CREB1: variants seen among roughly 807,000 people sequenced by gnomAD.
CREB1 encodes the protein cAMP responsive element binding protein 1, also known as cyclic AMP-responsive element-binding protein 1.
In CREB1, 2 loss-of-function variants were observed where a neutral mutation model predicts 42.0. The ratio of observed to expected loss-of-function variants is 0.05; its 90% confidence interval spans 0.02 to 0.15. The LOEUF (loss-of-function observed/expected upper bound fraction) is 0.15, where lower values mean the gene tolerates loss of function less well. CREB1 is among the 10% of genes least tolerant of loss of function. The probability of loss-of-function intolerance (pLI) is 1.00; values close to 1 mark genes in which losing one functional copy is unlikely to be tolerated. For missense variants in CREB1, 199 were observed against 388.9 expected, an observed-to-expected ratio of 0.51 and a Z score of 4.11; for synonymous variants, 123 against 139.9, an observed-to-expected ratio of 0.88 and a Z score of 0.85.
intron 1 of CREB1, among the ~76,000 whole-genome samples, chr2:207,536,479 T>C (rs1216866343): frequency 1.3e-5 from 2 of 151,946 alleles, no homozygotes; most frequent in African/African-American, 2.4e-5. Context: ...CACTTGGACC[T>C]GGAAGGCAGA....
At position 207,603,068 on chromosome 2, in the gene CREB1, A is replaced by G. The variant is rs1235679100; in HGVS notation, c.*6010A>G. 4.7e-6 allele frequency: 1 copy of G among 211,852 alleles called. No individual in the cohort carries two copies. 13.1% of individuals were successfully genotyped at this position (211,852 alleles called of 1,614,324 possible). A position where few individuals can be genotyped will look rare whatever the true frequency, so the allele number is the denominator to read the frequency against. ...AACAGGGTATTGATTTTTAACTCTG[A>G]TGTTTCTATTGGAGTTGAATACTAA... On this transcript the variant is annotated 3_prime_UTR_variant, in exon 8 of 8. Transcript: ENST00000353267.
intron 5 of CREB1, chr2:207,571,634 TGTGTATTATCA>T (rs2082368430): frequency 1.1e-5 from 4 of 380,740 alleles, no homozygotes; most frequent in African/African-American, 8.4e-5. Context: ...TGTACGTGTA[TGTGTATTATCA>T]GTTGAAGCCT....
intron 5 of CREB1, chr2:207,571,691 T>C (rs1460259137): frequency 2.2e-6 from 1 of 453,340 alleles, no homozygotes; most frequent in Admixed American, 2.4e-5. Context: ...AGATATGTGT[T>C]CGAAGACATT....
At chr2:207,572,964 A>G (rs9288383) in intron 5 of CREB1, among the ~76,000 whole-genome samples, 1,869 of 152,300 alleles carry the variant, frequency 0.012, 22 homozygotes, top group African/African-American at 0.029. Context: ...TTATTAGTTC[A>G]GTGTCCCAGA....
At chr2:207,550,860 C>G (rs1240474290) in intron 1 of CREB1, among the ~76,000 whole-genome samples, 1 of 152,174 alleles carries the variant, frequency 6.6e-6, no homozygotes, top group African/African-American at 2.4e-5. Context: ...TTCTTCCCAG[C>G]TTTATTTTTC....
chr2:207,544,395 A>G (rs1190043153), intron 1 of CREB1, among the ~76,000 whole-genome samples: 1 of 152,158 alleles, frequency 6.6e-6, no homozygotes, highest in East Asian at 1.9e-4. Flanking sequence ...CCATTTCCAA[A>G]TAGAAGTTTA....
chr2:207,581,836 C>T (rs1041886087), intron 7 of CREB1: 1 of 702,736 alleles, frequency 1.4e-6, no homozygotes, highest in Non-Finnish European at 2.6e-6. Context: ...TTATAGTCTC[C>T]TTCAGTCTGT....
rs111513146 is a variant in CREB1 at position 207,584,265 on chromosome 2, A to G, written c.839+6610A>G. On this transcript the variant is annotated intron_variant, in intron 7 of 7. Coordinates refer to ENST00000353267, the MANE Select transcript of CREB1 (RefSeq NM_004379.5). ...TTCCAAAATGGCTGTACCATTTTAT[A>G]TTCCCACCAGGAATGTATGAGAGTT... Among the ~76,000 whole-genome samples the G allele has an allele frequency of 2.0e-5, 3 of 152,232 alleles. No homozygotes were observed. In the South Asian group the frequency reaches 6.2e-4, roughly 31 times the overall value.
chr2:207,577,828 A>T, intron 7 of CREB1, 173 bp downstream of exon 7: 1 of 703,790 alleles, frequency 1.4e-6, no homozygotes, highest in South Asian at 1.7e-5. Context: ...CACTTATAAG[A>T]TAGCTGTATG....
intron 1 of CREB1, among the ~76,000 whole-genome samples, chr2:207,530,778 CCTACTCTT>C (rs1384763195): frequency 6.6e-6 from 1 of 151,850 alleles, no homozygotes; most frequent in Non-Finnish European, 1.5e-5. Flanking sequence ...CAACGTCTGA[CCTACTCTT>C]CTCTCCACTC....
At chr2:207,588,355 G>T (rs1035141494) in intron 7 of CREB1, among the ~76,000 whole-genome samples, 1 of 151,904 alleles carries the variant, frequency 6.6e-6, no homozygotes, top group Non-Finnish European at 1.5e-5. Flanking sequence ...GACCATATTT[G>T]TGTGAGTCTG....
In CREB1 at chr2:207,604,103, G is replaced by A. The variant is rs1360389204; in HGVS notation, c.*7045G>A. 2.6e-5 allele frequency among the ~76,000 whole-genome samples: 4 copies of A among 152,168 alleles called. No homozygotes were observed. Among genetic ancestry groups the A allele is most frequent in the African/African-American group, 7.2e-5 (3 of 41,432 alleles). On this transcript the variant is annotated 3_prime_UTR_variant, in exon 8 of 8. Coordinates refer to ENST00000353267, the MANE Select transcript of CREB1 (RefSeq NM_004379.5). ...CATGAGGGACAATAGGCATGAACTA[G>A]GATTGTTCTAAGCAAATCGGAATCG...
In CREB1 at chr2:207,575,948, CA is replaced by C. The variant is rs1553503310; in HGVS notation, c.688+498del. On this transcript the variant is annotated intron_variant, in intron 6 of 7. Transcript: ENST00000353267. ...GTTTCTCTGCTTCCCCCCCCCCCCC[CA>C]AAAGAAATTTAAATCTTCTGAGATC... Among the ~76,000 whole-genome samples the C allele has an allele frequency of 1.7e-3, 80 of 45,786 alleles. 2 individuals carry two copies. The highest frequency in any genetic ancestry group is 2.2e-3 in the African/African-American group (42 of 19,116). 30.0% of individuals were successfully genotyped at this position (45,786 alleles called of 152,430 possible).
chr2:207,539,251 A>C (rs2080999032), intron 1 of CREB1, among the ~76,000 whole-genome samples: 1 of 143,308 alleles, frequency 7.0e-6, no homozygotes. Context: ...ACAGGATTTC[A>C]CCATGTTGGC....
At chr2:207,560,203 C>A in intron 2 of CREB1, 23 bp from the exon 3 acceptor site, 8 of 1,537,348 alleles carry the variant, frequency 5.2e-6, no homozygotes, top group African/African-American at 1.4e-5. Flanking sequence ...GATGATAATT[C>A]TTTTCTGTGT....
intron 7 of CREB1, among the ~76,000 whole-genome samples, chr2:207,592,702 C>G (rs995149366): frequency 6.6e-6 from 1 of 152,022 alleles, no homozygotes; most frequent in Non-Finnish European, 1.5e-5. Context: ...AGGCGGATCA[C>G]GAGGTCAGGA....
chr2:207,564,323 C>T (rs1333987130), intron 3 of CREB1, among the ~76,000 whole-genome samples: 1 of 151,986 alleles, frequency 6.6e-6, no homozygotes, highest in East Asian at 1.9e-4. Flanking sequence ...GCCTGGGCAA[C>T]ATAGCAAGAC....
At chr2:207,532,548 T>A (rs984239388) in intron 1 of CREB1, among the ~76,000 whole-genome samples, 1 of 150,782 alleles carries the variant, frequency 6.6e-6, no homozygotes, top group African/African-American at 2.4e-5. Flanking sequence ...TGGCGCGTGC[T>A]TGTAATCCCA....
intron 1 of CREB1, among the ~76,000 whole-genome samples, chr2:207,541,443 G>A (rs753290576): frequency 6.6e-5 from 10 of 151,554 alleles, no homozygotes; most frequent in Non-Finnish European, 1.0e-4. Context: ...GATATGTTTC[G>A]ATAACAAATA....
Sources: allele counts gnomAD v4.1 joint callset (sites outside exome capture counted in the v4.1 genomes callset), GRCh38; gene constraint gnomAD v4.1.1; transcripts MANE v1.5; gene names NCBI Gene and HGNC (gene_info 2026-07-23, HGNC 2026-07-21).